Variants in TSN observed in about 807,000 individuals in gnomAD.
TSN encodes component 3 of promoter of RISC.
In TSN, 5 loss-of-function variants were observed where a neutral mutation model predicts 29.4. That is an observed-to-expected ratio of 0.17 (90% CI 0.09 to 0.36). The LOEUF (loss-of-function observed/expected upper bound fraction) is 0.36. Ranked by LOEUF, TSN falls within the 10% of genes least tolerant of loss-of-function variation. TSN has a pLI of 1.00. For synonymous variants in TSN, 106 were observed against 102.2 expected (o/e 1.04, Z -0.23); for missense variants, 159 against 272.8 (o/e 0.58, Z 2.94).
At chr2:121,761,318 G>A (rs918136973) in intron 3 of TSN, 91 bp from the exon 4 acceptor site, 4 of 794,308 alleles carry the variant, frequency 5.0e-6, no homozygotes, top group East Asian at 5.0e-5. Flanking sequence ...AAAAATGATC[G>A]CATTTCTAAA....
chr2:121,767,752 A>C lies in TSN; in HGVS notation c.*2385A>C, dbSNP rs1160403280. On this transcript the variant is annotated 3_prime_UTR_variant, in exon 6 of 6. Transcript: ENST00000389682. Reference sequence around the variant, plus strand: ...GCTTTGGCAGTGTTTTGAGAACTTAAGTGGCTAAAGAGATGAGACAAACAT... The same window carrying C: ...GCTTTGGCAGTGTTTTGAGAACTTACGTGGCTAAAGAGATGAGACAAACAT... 2.6e-5 allele frequency: 4 copies of C among 152,132 alleles called. No individual in the cohort carries two copies. The highest frequency in any genetic ancestry group is 2.6e-4 in the Admixed American group (4 of 15,264). 9.4% of individuals were successfully genotyped at this position (152,132 alleles called of 1,614,324 possible). A position where few individuals can be genotyped will look rare whatever the true frequency, so the allele number is the denominator to read the frequency against.
intron 5 of TSN, among the ~76,000 whole-genome samples, chr2:121,763,288 G>A (rs537831709): frequency 1.1e-4 from 16 of 151,904 alleles, no homozygotes; most frequent in African/African-American, 3.6e-4. Flanking sequence ...GACTACAGGC[G>A]CCCGCCACCA....
chr2:121,764,940 T>C (rs1227408530), intron 5 of TSN, among the ~76,000 whole-genome samples, 194 bp from the exon 6 acceptor site: 1 of 152,242 alleles, frequency 6.6e-6, no homozygotes, highest in Non-Finnish European at 1.5e-5. Context: ...AAATTTTACT[T>C]GGCAGAACTG....
Position 121,766,505 on chromosome 2 carries a change from A to G in TSN, c.*1138A>G, listed in dbSNP as rs1466908159. On this transcript the variant is annotated 3_prime_UTR_variant, in exon 6 of 6. Transcript: ENST00000389682. ...AGTGGGATTTGGTAATGTGTTTTAG[A>G]GTAAGAAATTTCAGGTTGTTGGTGA... 6.6e-6 allele frequency: 1 copy of G among 152,220 alleles called. No individual in the cohort carries two copies. Among genetic ancestry groups the G allele is most frequent in the Admixed American group, 6.5e-5 (1 of 15,280 alleles). The allele number at this position is 152,220 out of a possible 1,614,324, so 9.4% of individuals were successfully genotyped here.
At position 121,755,742 on chromosome 2, in the gene TSN, C is replaced by T. The variant is rs772933572; in HGVS notation, c.-38C>T. 3 of 1,611,204 alleles carry T rather than the reference C, an allele frequency of 1.9e-6. No homozygotes were observed. Among genetic ancestry groups the T allele is most frequent in the South Asian group, 1.1e-5 (1 of 91,082 alleles). ...CCTGCGGCGTCCACTTCCTTGGCCG[C>T]CCTTGCTACACTGGCTGATTGTTGT... On this transcript the variant is annotated 5_prime_UTR_variant, in exon 1 of 6. Coordinates refer to ENST00000389682, the MANE Select transcript of TSN (RefSeq NM_004622.3).
At position 121,765,418 on chromosome 2, in the gene TSN, G is replaced by C. The variant is rs1427040820; in HGVS notation, c.*51G>C. 2 of 1,565,416 alleles carry C rather than the reference G, an allele frequency of 1.3e-6. No homozygotes were observed. On this transcript the variant is annotated 3_prime_UTR_variant, in exon 6 of 6. Transcript: ENST00000389682. ...CTGACCTCAGCGGTTGCCAGGAAGG[G>C]GTGAGCACAGAGTGCCTCTTACGGT...
Position 121,757,313 on chromosome 2 carries a change from A to C in TSN, c.140A>C (p.Gln47Pro), listed in dbSNP as rs771508596. 6.2e-7 allele frequency: 1 copy of C among 1,614,056 alleles called. No homozygotes were observed. The stretch of plus-strand genomic sequence containing the variant: ...TTAACTCTACTGCAAGGGGTCCATC[A>C]GGGTGCTGGGTTTCAGGACAGTAAG... ...EILTLLQGVH[Q>P]GAGFQDIPKR... The change falls in exon 2 of 6, where the codon CAG becomes CCG. Residue 47 changes from glutamine (Q) to proline (P), a missense_variant. Gln to Pro is a moderately conservative substitution (Grantham distance 76). Transcript: ENST00000389682.
chr2:121,765,431 T>A lies in TSN; in HGVS notation c.*64T>A, dbSNP rs2074889579. The A allele has an allele frequency of 1.4e-6, 2 of 1,474,276 alleles. No homozygotes were observed. The highest frequency in any genetic ancestry group is 1.9e-6 in the Non-Finnish European group (2 of 1,058,710). 91.3% of individuals were successfully genotyped at this position (1,474,276 alleles called of 1,614,324 possible). ...TTGCCAGGAAGGGGTGAGCACAGAG[T>A]GCCTCTTACGGTAGTTAGGATGCTC... On this transcript the variant is annotated 3_prime_UTR_variant, in exon 6 of 6. Coordinates refer to ENST00000389682, the MANE Select transcript of TSN (RefSeq NM_004622.3).
At chr2:121,756,589 G>C in intron 1 of TSN, 1 of 1,284,166 alleles carries the variant, frequency 7.8e-7, no homozygotes, top group Middle Eastern at 2.1e-4. Flanking sequence ...TCGCACATAA[G>C]TATGCTCAGT....
Position 121,765,343 on chromosome 2 carries a change from G to C in TSN, c.663G>C (p.Thr221=). The change falls in exon 6 of 6, where the codon ACG becomes ACC. Residue 221 remains threonine (T), a synonymous_variant. Transcript: ENST00000389682. ...CCATCCGGGGCTTTAATAAGGAGAC[G>C]GCAGCAGCTTGTGTTGAAAAATAGG... The part of the protein sequence containing the change: ...DLSIRGFNKE[T]AAACVEK The C allele has an allele frequency of 6.2e-7, 1 of 1,614,180 alleles. No homozygotes were observed. The highest frequency in any genetic ancestry group is 8.5e-7 in the Non-Finnish European group (1 of 1,180,022).
At chr2:121,757,542 T>A in intron 2 of TSN, 1 of 922,998 alleles carries the variant, frequency 1.1e-6, no homozygotes, top group Non-Finnish European at 1.6e-6. Flanking sequence ...GAGGGCATTC[T>A]ACTGATGATA....
chr2:121,759,203 G>A (rs2074788135), intron 3 of TSN, among the ~76,000 whole-genome samples: 1 of 152,186 alleles, frequency 6.6e-6, no homozygotes, highest in Non-Finnish European at 1.5e-5. Flanking sequence ...GCCAAGTGAT[G>A]TAATTAGCTA....
chr2:121,758,652 G>A (rs2074781131), intron 2 of TSN, 58 bp from the exon 3 acceptor site: 3 of 1,288,968 alleles, frequency 2.3e-6, no homozygotes. Flanking sequence ...AGATTATTAA[G>A]CAAGAACTGT....
In TSN at chr2:121,756,794, A is replaced by C. The variant is rs554697126; in HGVS notation, c.67-446A>C. On this transcript the variant is annotated intron_variant, in intron 1 of 5. Coordinates refer to ENST00000389682, the MANE Select transcript of TSN (RefSeq NM_004622.3). The stretch of plus-strand genomic sequence containing the variant: ...CATGGTTGCGCACACCTGTAATCCC[A>C]GCTACTCGGGAGGCTGAAGCAGGAG... The C allele has an allele frequency of 6.8e-4, 237 of 348,768 alleles. 1 individual carries two copies. The highest frequency in any genetic ancestry group is 5.2e-3 in the African/African-American group (229 of 44,150). The allele number at this position is 348,768 out of a possible 1,614,324, so 21.6% of individuals were successfully genotyped here.
Position 121,765,124 on chromosome 2 carries a change from C to G in TSN, c.454-10C>G. 1 of 1,613,766 alleles carries G rather than the reference C, an allele frequency of 6.2e-7. No individual in the cohort carries two copies. The highest frequency in any genetic ancestry group is 8.5e-7 in the Non-Finnish European group (1 of 1,179,710). On this transcript the variant is annotated splice_polypyrimidine_tract_variant and intron_variant, in intron 5 of 5. Coordinates refer to ENST00000389682, the MANE Select transcript of TSN (RefSeq NM_004622.3). ...TGTAACAAGCCCCTGTTTTCTCTTT[C>G]CTGGTACAGTCGAGGCTGTCTGTCA...
rs779957762 is a variant in TSN, at chr2:121,767,615, T to C, written c.*2248T>C. 2 of 152,130 alleles carry C rather than the reference T, an allele frequency of 1.3e-5. No individual in the cohort carries two copies. Among genetic ancestry groups the C allele is most frequent in the Non-Finnish European group, 2.9e-5 (2 of 68,036 alleles). 9.4% of individuals were successfully genotyped at this position (152,130 alleles called of 1,614,324 possible). A position where few individuals can be genotyped will look rare whatever the true frequency, so the allele number is the denominator to read the frequency against. ...AGATGAATTAGGGGACACTGTCTTA[T>C]GGATTCATTTATAAGAAGAGAACCA... On this transcript the variant is annotated 3_prime_UTR_variant, in exon 6 of 6. Coordinates refer to ENST00000389682, the MANE Select transcript of TSN (RefSeq NM_004622.3).
intron 4 of TSN, 71 bp downstream of exon 4, chr2:121,761,595 G>A: frequency 2.5e-6 from 3 of 1,198,778 alleles, no homozygotes; most frequent in Non-Finnish European, 3.7e-6. Flanking sequence ...AAGGGTGGTT[G>A]TACTTTGTTT....
chr2:121,758,058 T>C (rs949072105), intron 2 of TSN, among the ~76,000 whole-genome samples: 3 of 152,148 alleles, frequency 2.0e-5, no homozygotes, highest in Non-Finnish European at 4.4e-5. Context: ...TATATGCACC[T>C]GTGTGTATTT....
rs568900029 is a variant in TSN at position 121,767,447 on chromosome 2, G to A, written c.*2080G>A. The stretch of plus-strand genomic sequence containing the variant: ...CACTCAGAGTTCTATACTGTAAAGC[G>A]CAGATAACATTTGTGTGTTATACCT... On this transcript the variant is annotated 3_prime_UTR_variant, in exon 6 of 6. Transcript: ENST00000389682. The A allele has an allele frequency of 2.6e-5, 4 of 152,188 alleles. No homozygotes were observed. Among genetic ancestry groups the A allele is most frequent in the South Asian group, 4.1e-4 (2 of 4,830 alleles). The allele number at this position is 152,188 out of a possible 1,614,324, so 9.4% of individuals were successfully genotyped here. A position where few individuals can be genotyped will look rare whatever the true frequency, so the allele number is the denominator to read the frequency against.
Sources: gnomAD v4.1 joint callset for allele counts (sites outside exome capture counted in the v4.1 genomes callset) on GRCh38, gnomAD v4.1.1 for gene constraint, MANE v1.5 for transcripts, NCBI Gene and HGNC (gene_info 2026-07-23, HGNC 2026-07-21) for gene names.